NCAM2: variants seen among roughly 807,000 people sequenced by gnomAD.
NCAM2 encodes the protein neural cell adhesion molecule 2.
NCAM2 carries 30 observed loss-of-function variants against 98.1 expected under a neutral mutation model. The observed-to-expected ratio is 0.31, with a 90% CI of 0.23 to 0.41. NCAM2 has a LOEUF of 0.41. NCAM2 is among the 10% of genes least tolerant of loss of function. The pLI is 1.00. For synonymous variants in NCAM2, 368 were observed against 342.4 expected (o/e 1.07, Z -0.83); for missense variants, 867 against 1,005.8 (o/e 0.86, Z 1.87).
chr21:21,324,362 C>T, intron 5 of NCAM2, 21 bp from the exon 6 acceptor site: 1 of 1,576,014 alleles, frequency 6.3e-7, no homozygotes, highest in Admixed American at 1.7e-5. Flanking sequence ...TCTATTTATT[C>T]TGTATTCATC....
chr21:21,273,009 A>T (rs897682694), intron 1 of NCAM2, among the ~76,000 whole-genome samples: 1 of 125,418 alleles, frequency 8.0e-6, no homozygotes, highest in Admixed American at 8.6e-5. Flanking sequence ...ACACACACAC[A>T]ATCTGTAATT....
chr21:21,161,529 T>C (rs1468109925), intron 1 of NCAM2, among the ~76,000 whole-genome samples: 3 of 151,550 alleles, frequency 2.0e-5, no homozygotes, highest in Middle Eastern at 3.2e-3. Context: ...TTGAGAATTG[T>C]TGAGAAATGT....
intron 1 of NCAM2, among the ~76,000 whole-genome samples, chr21:21,165,154 A>T (rs1054796282): frequency 7.2e-5 from 11 of 152,162 alleles, no homozygotes; most frequent in Non-Finnish European, 1.3e-4. Context: ...GCAAAGGGAA[A>T]TGGCAGATGG....
chr21:21,068,110 A>G (rs899189810), intron 1 of NCAM2, among the ~76,000 whole-genome samples: 2 of 151,008 alleles, frequency 1.3e-5, no homozygotes, highest in South Asian at 2.1e-4. Flanking sequence ...TTAATTATGT[A>G]CTACTAAAAT....
Position 21,539,121 on chromosome 21 carries a change from T to C in NCAM2, c.*1164T>C, listed in dbSNP as rs1990128836. The C allele has an allele frequency of 6.6e-6, 1 of 152,204 alleles. No homozygotes were observed. The highest frequency in any genetic ancestry group is 1.5e-5 in the Non-Finnish European group (1 of 68,030). 9.4% of individuals were successfully genotyped at this position (152,204 alleles called of 1,614,324 possible). A position where few individuals can be genotyped will look rare whatever the true frequency, so the allele number is the denominator to read the frequency against. On this transcript the variant is annotated 3_prime_UTR_variant, in exon 18 of 18. Coordinates refer to ENST00000400546, the MANE Select transcript of NCAM2 (RefSeq NM_004540.5). Reference sequence around the variant, plus strand: ...ATTTTAAGATTTTGATAAACAACTTTGGTTGAAGAAATTCCTTAAGTATTC... The same window carrying C: ...ATTTTAAGATTTTGATAAACAACTTCGGTTGAAGAAATTCCTTAAGTATTC...
rs141753678 is a variant in NCAM2, at chr21:21,042,217, C to A, written c.55+43599C>A. Among the ~76,000 whole-genome samples the A allele has an allele frequency of 1.6e-3, 240 of 152,228 alleles. 1 individual carries two copies. Among genetic ancestry groups the A allele is most frequent in the African/African-American group, 5.1e-3 (213 of 41,544 alleles). On this transcript the variant is annotated intron_variant, in intron 1 of 17. Coordinates refer to ENST00000400546, the MANE Select transcript of NCAM2 (RefSeq NM_004540.5). The stretch of plus-strand genomic sequence containing the variant: ...TGAGTGAGGGTTTCTTTCTTTTGCT[C>A]ATTTTTGCCCAAGCTGGAGTGCAAT...
intron 5 of NCAM2, among the ~76,000 whole-genome samples, chr21:21,318,511 A>T (rs896235022): frequency 2.0e-5 from 3 of 152,142 alleles, no homozygotes; most frequent in Non-Finnish European, 4.4e-5. Flanking sequence ...AAATTGTATT[A>T]AAAAATCTAT....
intron 5 of NCAM2, among the ~76,000 whole-genome samples, chr21:21,306,308 CTA>C (rs964341727): frequency 1.3e-5 from 2 of 152,046 alleles, no homozygotes; most frequent in African/African-American, 4.8e-5. Context: ...AAGAATTTGT[CTA>C]TTTCTTTTCA....
chr21:21,228,159 A>G (rs1380311604), intron 1 of NCAM2, among the ~76,000 whole-genome samples: 2 of 151,570 alleles, frequency 1.3e-5, no homozygotes, highest in Non-Finnish European at 3.0e-5. Context: ...TGAAAACTAA[A>G]TGGCCAATTA....
intron 11 of NCAM2, among the ~76,000 whole-genome samples, chr21:21,424,090 T>A (rs993393209): frequency 2.7e-4 from 41 of 152,164 alleles, no homozygotes; most frequent in African/African-American, 9.4e-4. Flanking sequence ...ACATAATCAG[T>A]TTTATGATCT....
intron 5 of NCAM2, among the ~76,000 whole-genome samples, chr21:21,313,876 G>A (rs2074135215): frequency 6.6e-6 from 1 of 151,934 alleles, no homozygotes; most frequent in Non-Finnish European, 1.5e-5. Flanking sequence ...TGTTGCCGTT[G>A]TAATTCAATG....
At chr21:21,072,017 A>ATTCTCCTGCCT (rs377434230) in intron 1 of NCAM2, among the ~76,000 whole-genome samples, 3,290 of 147,984 alleles carry the variant, frequency 0.022, 15 homozygotes, top group African/African-American at 0.08. Context: ...GGTTCACGCC[A>ATTCTCCTGCCT]TTCTCCTGCC....
At chr21:21,498,470 G>A (rs1987403091) in intron 15 of NCAM2, among the ~76,000 whole-genome samples, 1 of 151,986 alleles carries the variant, frequency 6.6e-6, no homozygotes, top group Admixed American at 6.6e-5. Context: ...TACCCATACA[G>A]CTCTCATTCA....
At chr21:21,337,838 TTTAC>T (rs1292478195) in intron 7 of NCAM2, among the ~76,000 whole-genome samples, 1 of 152,042 alleles carries the variant, frequency 6.6e-6, no homozygotes, top group Non-Finnish European at 1.5e-5. Flanking sequence ...AGTAAATATA[TTTAC>T]TTAGTAAATG....
At position 21,286,335 on chromosome 21, in the gene NCAM2, T is replaced by G; in HGVS notation, c.404T>G (p.Val135Gly). 1 of 1,612,364 alleles carries G rather than the reference T, an allele frequency of 6.2e-7. No individual in the cohort carries two copies. The highest frequency in any genetic ancestry group is 1.1e-5 in the South Asian group (1 of 91,008). ...AAACAAGGAGAAGATGCAGAAGTGGTTTGCCGAGTTAGCAGTTCACCTGCA... is the reference window on the plus strand; with the variant it reads ...AAACAAGGAGAAGATGCAGAAGTGGGTTGCCGAGTTAGCAGTTCACCTGCA... Reference protein sequence around the residue: ...EFKQGEDAEVVCRVSSSPAPA... With the variant: ...EFKQGEDAEVGCRVSSSPAPA... Residue 135 changes from valine (V) to glycine (G), a missense_variant, in exon 4 of 18, where the codon GTT becomes GGT. By Grantham distance (109) the Val-to-Gly change is moderately radical. Around this residue, in one of 5 missense-constraint regions of NCAM2, gnomAD observed 447 missense variants for 495.7 expected, o/e 0.90. Transcript: ENST00000400546.
intron 1 of NCAM2, among the ~76,000 whole-genome samples, chr21:21,060,705 C>G (rs542904465): frequency 6.6e-6 from 1 of 152,190 alleles, no homozygotes; most frequent in South Asian, 2.1e-4. Context: ...GTAGCATAGA[C>G]ACACACAGAC....
intron 1 of NCAM2, among the ~76,000 whole-genome samples, chr21:21,033,812 A>G (rs1568949231): frequency 6.6e-6 from 1 of 152,206 alleles, no homozygotes; most frequent in African/African-American, 2.4e-5. Context: ...TCACAAATAT[A>G]GATTTTTCTC....
At chr21:21,153,416 CT>C (rs1459346905) in intron 1 of NCAM2, among the ~76,000 whole-genome samples, 2 of 151,730 alleles carry the variant, frequency 1.3e-5, no homozygotes, top group African/African-American at 4.8e-5. Context: ...TTATTTGCCC[CT>C]TGCCTTGTAT....
At chr21:21,277,496 G>A (rs1335394657) in intron 1 of NCAM2, among the ~76,000 whole-genome samples, 1 of 152,082 alleles carries the variant, frequency 6.6e-6, no homozygotes, top group Non-Finnish European at 1.5e-5. Context: ...GAAGCCATGA[G>A]GGGTTGTATA....
Sources: gnomAD v4.1 joint callset for allele counts (sites outside exome capture counted in the v4.1 genomes callset) on GRCh38, gnomAD v4.1.1 for gene constraint, gnomAD v4.1.1 regional missense constraint, MANE v1.5 for transcripts, NCBI Gene and HGNC (gene_info 2026-07-23, HGNC 2026-07-21) for gene names.